Variants in LRP1B observed in about 807,000 individuals in gnomAD.
LRP1B encodes the protein LDL receptor related protein 1B.
A neutral mutation model predicts 556.6 loss-of-function variants in LRP1B; 217 were observed. That is an observed-to-expected ratio of 0.39 (90% confidence interval 0.35 to 0.44). The LOEUF is 0.44. LRP1B is among the 20% of genes least tolerant of loss of function. The probability of loss-of-function intolerance (pLI) is 1.00; values close to 1 mark genes in which losing one functional copy is unlikely to be tolerated. For synonymous variants in LRP1B, 2,047 were observed against 1,865.8 expected (o/e 1.10, Z -2.50); for missense variants, 5,053 against 5,620.8 (o/e 0.90, Z 3.23).
chr2:140,688,917 C>T (rs1686141714), intron 41 of LRP1B, among the ~76,000 whole-genome samples: 1 of 152,140 alleles, frequency 6.6e-6, no homozygotes, highest in Non-Finnish European at 1.5e-5. Context: ...GAAGAGCTAA[C>T]ACAGATGAGA....
At chr2:141,934,304 T>C (rs769533089) in intron 1 of LRP1B, among the ~76,000 whole-genome samples, 6 of 151,900 alleles carry the variant, frequency 3.9e-5, no homozygotes, top group South Asian at 2.1e-4. Flanking sequence ...AAAAATCTAA[T>C]TGAATGACAG....
In LRP1B at chr2:140,687,410, C is replaced by A. The variant is rs994805712; in HGVS notation, c.6799+12840G>T. 1.7e-4 allele frequency among the ~76,000 whole-genome samples: 26 copies of A among 152,072 alleles called. 1 individual carries two copies. Among genetic ancestry groups the A allele is most frequent in the Non-Finnish European group, 3.7e-4 (25 of 67,976 alleles). Reference sequence around the variant, plus strand: ...AATATGGCAAGAATGACAATCTAAGCCACATAGTATGCTATCCTAGGCGTT... The same window carrying A: ...AATATGGCAAGAATGACAATCTAAGACACATAGTATGCTATCCTAGGCGTT... On this transcript the variant is annotated intron_variant, in intron 41 of 90. Transcript: ENST00000389484.
At chr2:141,298,478 G>T (rs975829005) in intron 3 of LRP1B, among the ~76,000 whole-genome samples, 3 of 152,128 alleles carry the variant, frequency 2.0e-5, no homozygotes, top group African/African-American at 7.2e-5. Context: ...GGACACTAAA[G>T]CTCATCATAA....
chr2:141,489,158 G>A (rs1034803047), intron 2 of LRP1B, among the ~76,000 whole-genome samples: 4 of 142,996 alleles, frequency 2.8e-5, no homozygotes, highest in Non-Finnish European at 4.5e-5. Flanking sequence ...GGGACTGGGT[G>A]GGGGGCAGAT....
chr2:142,016,109 T>G (rs943958207), intron 1 of LRP1B, among the ~76,000 whole-genome samples: 1 of 147,670 alleles, frequency 6.8e-6, no homozygotes, highest in Non-Finnish European at 1.5e-5. Context: ...ATTAGAGAAA[T>G]GCAAATGAAA....
chr2:140,348,544 T>C (rs1490855246), intron 77 of LRP1B, among the ~76,000 whole-genome samples: 1 of 152,040 alleles, frequency 6.6e-6, no homozygotes, highest in Non-Finnish European at 1.5e-5. Flanking sequence ...CGAATGCTAA[T>C]AATCATGGGA....
At chr2:140,549,692 G>A (rs560144349) in intron 43 of LRP1B, among the ~76,000 whole-genome samples, 7 of 152,244 alleles carry the variant, frequency 4.6e-5, no homozygotes, top group African/African-American at 1.7e-4. Flanking sequence ...AACACGCTAG[G>A]TACGCCTTTG....
chr2:140,810,603 G>A (rs1344251618), intron 32 of LRP1B, among the ~76,000 whole-genome samples: 4 of 152,040 alleles, frequency 2.6e-5, no homozygotes, highest in Non-Finnish European at 5.9e-5. Flanking sequence ...TAAGTTTAAA[G>A]CCAAACCAGA....
Position 140,357,999 on chromosome 2 carries a change from T to C in LRP1B, c.11375A>G (p.Asp3792Gly), listed in dbSNP as rs1329019115. The change falls in exon 74 of 91, where the codon GAT becomes GGT. Residue 3792 changes from aspartate (D) to glycine (G), a missense_variant. Coordinates refer to ENST00000389484, the MANE Select transcript of LRP1B (RefSeq NM_018557.3). ...CTCACCTATTCTGCATCCTTGCTCATCTGAACCATCTCCGCAGTCATCAAG... is the reference window on the plus strand; with the variant it reads ...CTCACCTATTCTGCATCCTTGCTCACCTGAACCATCTCCGCAGTCATCAAG... ...DRLDDCGDGSDEQGCRIAPTE... is the reference protein window; with the variant it reads ...DRLDDCGDGSGEQGCRIAPTE... 1 of 1,611,014 alleles carries C rather than the reference T, an allele frequency of 6.2e-7. No individual in the cohort carries two copies. Among genetic ancestry groups the C allele is most frequent in the Non-Finnish European group, 8.5e-7 (1 of 1,177,950 alleles).
intron 5 of LRP1B, among the ~76,000 whole-genome samples, chr2:141,232,616 G>A (rs1683514018): frequency 6.6e-6 from 1 of 152,146 alleles, no homozygotes; most frequent in Admixed American, 6.6e-5. Context: ...CTTGGTTTTT[G>A]TAGCTGCTTG....
rs144653377 is a variant in LRP1B, at chr2:142,007,765, G to A, written c.82+122883C>T. Among the ~76,000 whole-genome samples, 770 of 152,148 alleles carry A rather than the reference G, an allele frequency of 5.1e-3. 6 individuals are homozygous for A. The highest frequency in any genetic ancestry group is 0.017 in the African/African-American group (725 of 41,504). On this transcript the variant is annotated intron_variant, in intron 1 of 90. Coordinates refer to ENST00000389484, the MANE Select transcript of LRP1B (RefSeq NM_018557.3). ...AATAAATAGACGGTAGGACTCTGTT[G>A]GAATAATACAATAGCTTTGCTATCA... is the stretch of plus-strand genomic sequence containing the variant.
At chr2:141,154,862 C>G (rs974604497) in intron 7 of LRP1B, among the ~76,000 whole-genome samples, 3 of 151,906 alleles carry the variant, frequency 2.0e-5, no homozygotes, top group Non-Finnish European at 4.4e-5. Context: ...TGCCTTCTAA[C>G]TGGTTTCCAG....
At chr2:140,242,303 C>T (rs1463184433) in intron 87 of LRP1B, among the ~76,000 whole-genome samples, 1 of 151,084 alleles carries the variant, frequency 6.6e-6, no homozygotes, top group Non-Finnish European at 1.5e-5. Context: ...AACACATGTT[C>T]TCATAGCACT....
At chr2:141,672,922 C>T (rs1275502679) in intron 2 of LRP1B, among the ~76,000 whole-genome samples, 1 of 152,134 alleles carries the variant, frequency 6.6e-6, no homozygotes, top group Non-Finnish European at 1.5e-5. Context: ...AGGTTGAGGA[C>T]AGTCCTACTG....
intron 66 of LRP1B, among the ~76,000 whole-genome samples, chr2:140,433,100 T>C (rs1028077941): frequency 6.6e-6 from 1 of 152,202 alleles, no homozygotes; most frequent in Non-Finnish European, 1.5e-5. Context: ...ACAGATGTTA[T>C]ACTTTTTTAT....
intron 1 of LRP1B, among the ~76,000 whole-genome samples, chr2:142,086,640 CAAAAA>C (rs55654885): frequency 6.8e-6 from 1 of 147,662 alleles, no homozygotes; most frequent in Non-Finnish European, 1.5e-5. Flanking sequence ...AACAAACAAA[CAAAAA>C]AAAAACACAA....
intron 43 of LRP1B, among the ~76,000 whole-genome samples, chr2:140,561,385 C>T (rs1373776104): frequency 3.3e-5 from 5 of 152,066 alleles, no homozygotes; most frequent in South Asian, 4.1e-4. Context: ...CCTTCTTGTC[C>T]GATCATATTT....
intron 21 of LRP1B, among the ~76,000 whole-genome samples, chr2:140,918,719 G>A (rs1204404918): frequency 2.0e-5 from 3 of 152,062 alleles, no homozygotes; most frequent in East Asian, 1.9e-4. Flanking sequence ...CAGTGTGATG[G>A]TATTGGGAGG....
intron 1 of LRP1B, among the ~76,000 whole-genome samples, chr2:141,847,087 T>C (rs943801041): frequency 7.3e-5 from 11 of 151,468 alleles, no homozygotes; most frequent in African/African-American, 2.4e-4. Flanking sequence ...TTCACTTACA[T>C]AGAAAATCTA....
Sources: allele counts gnomAD v4.1 joint callset (sites outside exome capture counted in the v4.1 genomes callset), GRCh38; gene constraint gnomAD v4.1.1; transcripts MANE v1.5; gene names NCBI Gene and HGNC (gene_info 2026-07-23, HGNC 2026-07-21).